RPA2: variants seen among roughly 807,000 people sequenced by gnomAD.
The protein encoded by RPA2 is replication protein A 32 kDa subunit.
RPA2 carries 22 observed loss-of-function variants against 33.4 expected under a neutral mutation model. The ratio of observed to expected loss-of-function variants is 0.66; its 90% CI spans 0.47 to 0.94. RPA2 has a LOEUF of 0.94. RPA2 is among the 40% of genes least tolerant of loss of function. The pLI is 0.00. For synonymous variants in RPA2, 109 were observed against 114.9 expected, an observed-to-expected ratio of 0.95 and a Z score of 0.33; for missense variants, 279 against 329.9, an observed-to-expected ratio of 0.85 and a Z score of 1.19.
intron 2 of RPA2, among the ~76,000 whole-genome samples, chr1:27,909,666 A>C (rs2148661534): frequency 6.6e-6 from 1 of 152,162 alleles, no homozygotes; most frequent in South Asian, 2.1e-4. Flanking sequence ...GTGAGCCGAG[A>C]TCATACCATT....
upstream of RPA2, chr1:27,914,603 T>G: frequency 6.2e-7 from 1 of 1,613,854 alleles, no homozygotes; most frequent in South Asian, 1.1e-5. Context: ...CCCGGGGTGC[T>G]CGCTTCAGCC....
chr1:27,894,520 CA>C, intron 6 of RPA2, 123 bp from the exon 7 acceptor site: 5 of 693,800 alleles, frequency 7.2e-6, no homozygotes, highest in Non-Finnish European at 1.2e-5. Context: ...CAGTTTATAA[CA>C]CTGCTTACAT....
At chr1:27,897,734 A>T in intron 4 of RPA2, 27 bp from the exon 5 acceptor site, 1 of 1,518,152 alleles carries the variant, frequency 6.6e-7, no homozygotes, top group Non-Finnish European at 9.0e-7. Flanking sequence ...ACATGTCATT[A>T]AAGTTTTAGT....
intron 4 of RPA2, among the ~76,000 whole-genome samples, chr1:27,898,609 G>A (rs1571608789): frequency 2.0e-5 from 3 of 149,732 alleles, no homozygotes; most frequent in Admixed American, 1.3e-4. Context: ...GGAGCGGCAT[G>A]ATCTCGGCTC....
At chr1:27,904,120 G>A (rs1315379063) in intron 4 of RPA2, among the ~76,000 whole-genome samples, 4 of 150,048 alleles carry the variant, frequency 2.7e-5, no homozygotes, top group South Asian at 2.1e-4. Context: ...GCTGGAGATC[G>A]CGCCATTGCA....
Position 27,894,271 on chromosome 1 carries a change from C to A in RPA2, c.633+19G>T, listed in dbSNP as rs773053864. 6.2e-7 allele frequency: 1 copy of A among 1,605,438 alleles called. No individual in the cohort carries two copies. The highest frequency in any genetic ancestry group is 2.2e-5 in the East Asian group (1 of 44,854). On this transcript the variant is annotated intron_variant, in intron 7 of 8. Coordinates refer to ENST00000373912, the MANE Select transcript of RPA2 (RefSeq NM_002946.5). ...CTATCTGTGTTTTGTATTTCTGAAG[C>A]CACTCTGGTGGAGGTTACCTGGTTT...
At chr1:27,909,521 C>T (rs1196600616) in intron 2 of RPA2, among the ~76,000 whole-genome samples, 2 of 151,964 alleles carry the variant, frequency 1.3e-5, no homozygotes, top group Non-Finnish European at 1.5e-5. Flanking sequence ...CAAGCCTGGC[C>T]AACATGGCGA....
At chr1:27,898,191 T>C (rs1354364148) in intron 4 of RPA2, among the ~76,000 whole-genome samples, 1 of 152,146 alleles carries the variant, frequency 6.6e-6, no homozygotes, top group Non-Finnish European at 1.5e-5. Context: ...GATATACTTA[T>C]TGGCAAAGCA....
upstream of RPA2, chr1:27,914,646 G>A: frequency 6.2e-7 from 1 of 1,613,842 alleles, no homozygotes; most frequent in Non-Finnish European, 8.5e-7. Context: ...GCTTGTTCCT[G>A]TCTCCTCTGC....
intron 2 of RPA2, among the ~76,000 whole-genome samples, chr1:27,909,569 C>T (rs1274238502): frequency 1.3e-5 from 2 of 152,058 alleles, no homozygotes; most frequent in African/African-American, 4.8e-5. Context: ...AAAAAATTAG[C>T]CAGGTGTGGT....
chr1:27,908,129 G>A (rs991159283), intron 2 of RPA2, among the ~76,000 whole-genome samples: 7 of 151,516 alleles, frequency 4.6e-5, no homozygotes, highest in Admixed American at 2.0e-4. Flanking sequence ...CACTGCCCTC[G>A]GCCAAATTTT....
chr1:27,908,282 C>T (rs1295882067), intron 2 of RPA2, among the ~76,000 whole-genome samples: 1 of 151,600 alleles, frequency 6.6e-6, no homozygotes, highest in Non-Finnish European at 1.5e-5. Flanking sequence ...CCACCACATC[C>T]AGTCAATTAA....
chr1:27,913,938 A>C, intron 2 of RPA2, 125 bp downstream of exon 2: 1 of 955,946 alleles, frequency 1.0e-6, no homozygotes, highest in Non-Finnish European at 1.5e-6. Context: ...AGATGCAGAT[A>C]ATAATAGATC....
intron 8 of RPA2, among the ~76,000 whole-genome samples, chr1:27,893,041 T>C (rs1217347766): frequency 6.6e-6 from 1 of 152,184 alleles, no homozygotes; most frequent in African/African-American, 2.4e-5. Flanking sequence ...ACAGATAGCC[T>C]AATACACTCA....
At chr1:27,911,733 GTC>G (rs769230853) in intron 2 of RPA2, among the ~76,000 whole-genome samples, 1 of 152,112 alleles carries the variant, frequency 6.6e-6, no homozygotes, top group African/African-American at 2.4e-5. Context: ...ATATACCTGA[GTC>G]TCTGTTAGTA....
intron 4 of RPA2, among the ~76,000 whole-genome samples, chr1:27,900,316 T>C (rs1355796375): frequency 6.6e-6 from 1 of 152,132 alleles, no homozygotes; most frequent in Non-Finnish European, 1.5e-5. Context: ...TTTACCTTAT[T>C]GGCCAGGCTG....
At chr1:27,894,209 C>A (rs2148651144) in intron 7 of RPA2, 81 bp downstream of exon 7, 1 of 1,501,002 alleles carries the variant, frequency 6.7e-7, no homozygotes, top group Non-Finnish European at 9.2e-7. Context: ...GGTACTTAAA[C>A]AGTCGTAGCT....
intron 4 of RPA2, among the ~76,000 whole-genome samples, chr1:27,900,237 G>C (rs1398108260): frequency 1.3e-5 from 2 of 151,758 alleles, no homozygotes; most frequent in Admixed American, 6.6e-5. Context: ...TCAGCCTCCT[G>C]AGTAGCTGGG....
chr1:27,895,486 C>T (rs913899256), intron 6 of RPA2, among the ~76,000 whole-genome samples: 15 of 151,798 alleles, frequency 9.9e-5, no homozygotes, highest in Non-Finnish European at 1.8e-4. Flanking sequence ...GAGGCTGAGA[C>T]GGGCAGATCA....
Sources: gnomAD v4.1 joint callset for allele counts (sites outside exome capture counted in the v4.1 genomes callset) on GRCh38, gnomAD v4.1.1 for gene constraint, MANE v1.5 for transcripts, NCBI Gene and HGNC (gene_info 2026-07-23, HGNC 2026-07-21) for gene names.